TPR: variants seen among roughly 807,000 people sequenced by gnomAD.
TPR encodes translocated promoter region, nuclear basket protein.
Under a neutral mutation model 316.1 loss-of-function variants are expected in TPR, and 51 were observed. The ratio of observed to expected loss-of-function variants is 0.16; its 90% CI spans 0.13 to 0.20. The LOEUF (loss-of-function observed/expected upper bound fraction) is 0.20. Among genes scored for constraint, TPR ranks in the 10% least tolerant of loss-of-function variants. The pLI, the probability that TPR is intolerant of heterozygous loss-of-function variation, is 1.00. For synonymous variants in TPR, 981 were observed against 914.7 expected (o/e 1.07, Z -1.31); for missense variants, 2,272 against 2,754.8 (o/e 0.82, Z 3.92).
At position 186,343,889 on chromosome 1, in the gene TPR, G is replaced by A; in HGVS notation, c.3602+17C>T. On this transcript the variant is annotated intron_variant, in intron 26 of 50. Coordinates refer to ENST00000367478, the MANE Select transcript of TPR (RefSeq NM_003292.3). ...GTTGTTATACCACAGAAATGAAGCA[G>A]TAAGAACATGATTTACCTGAGAATT... 1.9e-6 allele frequency: 3 copies of A among 1,600,964 alleles called. No homozygotes were observed. The highest frequency in any genetic ancestry group is 2.6e-6 in the Non-Finnish European group (3 of 1,170,370).
At chr1:186,373,501 A>C in intron 1 of TPR, 38 bp from the exon 2 acceptor site, 1 of 1,282,866 alleles carries the variant, frequency 7.8e-7, no homozygotes. Context: ...ACAAAATCAA[A>C]CACATGTACA....
chr1:186,373,478 C>G lies in TPR; in HGVS notation c.152-15G>C, dbSNP rs879071146. ...ATACTGTTGTTCTACAGCAGACAAG[C>G]AAAAAACAAAAAACAAAATCAAACA... is the stretch of plus-strand genomic sequence containing the variant. On this transcript the variant is annotated splice_polypyrimidine_tract_variant and intron_variant, in intron 1 of 50. Coordinates refer to ENST00000367478, the MANE Select transcript of TPR (RefSeq NM_003292.3). 3.4e-6 allele frequency: 5 copies of G among 1,477,484 alleles called. No individual in the cohort carries two copies. The highest frequency in any genetic ancestry group is 3.8e-6 in the Non-Finnish European group (4 of 1,066,132). 91.5% of individuals were successfully genotyped at this position (1,477,484 alleles called of 1,614,324 possible). A position where few individuals can be genotyped will look rare whatever the true frequency, so the allele number is the denominator to read the frequency against.
At chr1:186,333,423 A>G in intron 36 of TPR, 29 bp from the exon 37 acceptor site, 2 of 1,603,082 alleles carry the variant, frequency 1.2e-6, no homozygotes, top group South Asian at 1.1e-5. Flanking sequence ...GCTGAATATA[A>G]GCCTTCTACT....
Position 186,365,672 on chromosome 1 carries a change from T to C in TPR, c.427+2214A>G, listed in dbSNP as rs545378381. On this transcript the variant is annotated intron_variant, in intron 4 of 50. Coordinates refer to ENST00000367478, the MANE Select transcript of TPR (RefSeq NM_003292.3). ...TGAAGAGGCCATCCCTTCTTTTTCATTACAGAAAAAGTTATGAAAGCCATC... is the reference window on the plus strand; with the variant it reads ...TGAAGAGGCCATCCCTTCTTTTTCACTACAGAAAAAGTTATGAAAGCCATC... Among the ~76,000 whole-genome samples, 4 of 152,308 alleles carry C rather than the reference T, an allele frequency of 2.6e-5. No individual in the cohort carries two copies. In the East Asian group the frequency reaches 7.7e-4, roughly 29 times the overall value.
chr1:186,351,636 C>G (rs1658865115), intron 19 of TPR, among the ~76,000 whole-genome samples, 166 bp from the exon 20 acceptor site: 4 of 152,072 alleles, frequency 2.6e-5, no homozygotes, highest in African/African-American at 9.7e-5. Context: ...TATATTAAAA[C>G]ATCTATTATA....
At chr1:186,347,859 A>C (rs1658728931) in intron 21 of TPR, among the ~76,000 whole-genome samples, 1 of 152,312 alleles carries the variant, frequency 6.6e-6, no homozygotes, top group African/African-American at 2.4e-5. Flanking sequence ...TCATCTTAAT[A>C]TGGACATTTA....
At chr1:186,327,358 G>A in intron 40 of TPR, 102 bp downstream of exon 40, 2 of 731,182 alleles carry the variant, frequency 2.7e-6, no homozygotes, top group Non-Finnish European at 4.2e-6. Flanking sequence ...TATTTAAGCT[G>A]ACTGGGAACC....
chr1:186,328,388 A>ATTATTATTAC (rs1232399143), intron 39 of TPR, among the ~76,000 whole-genome samples: 1 of 152,172 alleles, frequency 6.6e-6, no homozygotes, highest in African/African-American at 2.4e-5. Flanking sequence ...ACATGTAATC[A>ATTATTATTAC]ATGTAAAAAT....
At position 186,311,955 on chromosome 1, in the gene TPR, T is replaced by A; in HGVS notation, c.*2016A>T. The stretch of plus-strand genomic sequence containing the variant: ...TGTCACTTTCAATTGAAATTAAATA[T>A]ATAACTATGTAATTTGCTGCATCTA... On this transcript the variant is annotated 3_prime_UTR_variant, in exon 51 of 51. Coordinates refer to ENST00000367478, the MANE Select transcript of TPR (RefSeq NM_003292.3). 1.8e-6 allele frequency: 1 copy of A among 557,926 alleles called. No homozygotes were observed. The highest frequency in any genetic ancestry group is 3.1e-6 in the Non-Finnish European group (1 of 318,236). The allele number at this position is 557,926 out of a possible 1,614,324, so 34.6% of individuals were successfully genotyped here.
Position 186,345,573 on chromosome 1 carries a change from T to C in TPR, c.3213+7A>G, listed in dbSNP as rs768331129. The C allele has an allele frequency of 3.7e-6, 6 of 1,603,420 alleles. No individual in the cohort carries two copies. The highest frequency in any genetic ancestry group is 1.1e-5 in the South Asian group (1 of 90,722). Reference sequence around the variant, plus strand: ...AAGCTCATTTCTCAATAATTGGCTATACTTACTTGTTCCTGACAGTCACGT... The same window carrying C: ...AAGCTCATTTCTCAATAATTGGCTACACTTACTTGTTCCTGACAGTCACGT... On this transcript the variant is annotated splice_region_variant and intron_variant, in intron 24 of 50. Coordinates refer to ENST00000367478, the MANE Select transcript of TPR (RefSeq NM_003292.3).
intron 39 of TPR, among the ~76,000 whole-genome samples, chr1:186,330,609 A>G (rs1183857934): frequency 1.3e-5 from 2 of 152,102 alleles, no homozygotes; most frequent in Non-Finnish European, 2.9e-5. Flanking sequence ...AACCTGCTGA[A>G]TATGCATGAC....
Position 186,375,208 on chromosome 1 carries a change from C to G in TPR, c.-180G>C, listed in dbSNP as rs1659679976. 1 of 1,497,136 alleles carries G rather than the reference C, an allele frequency of 6.7e-7. No individual in the cohort carries two copies. The highest frequency in any genetic ancestry group is 1.4e-5 in the African/African-American group (1 of 70,844). The allele number at this position is 1,497,136 out of a possible 1,614,324, so 92.7% of individuals were successfully genotyped here. On this transcript the variant is annotated 5_prime_UTR_variant, in exon 1 of 51. Transcript: ENST00000367478. ...GACCCTGGGAAATCGAGTCCACCCT[C>G]AGCGGCAGCGTTTCAGCAACAGCAC...
In TPR at chr1:186,334,415, G is replaced by A. The variant is rs764775414; in HGVS notation, c.5092C>T (p.Arg1698Cys). 1 of 1,613,612 alleles carries A rather than the reference G, an allele frequency of 6.2e-7. No individual in the cohort carries two copies. The highest frequency in any genetic ancestry group is 8.5e-7 in the Non-Finnish European group (1 of 1,179,744). The change falls in exon 36 of 51, where the codon CGC (arginine) becomes TGC (cysteine). Residue 1698 changes from arginine (R) to cysteine (C), a missense_variant. Physicochemically the swap from Arg to Cys is radical, Grantham distance 180 (BLOSUM62 -3). Transcript: ENST00000367478. ...ACAGTTGCAGGTGTAACCATTGGGC[G>A]GATACTAGCCCTGGGTGTTGACTTA... ...GNKSTPRASI[R>C]PMVTPATVTN...
chr1:186,353,893 C>T, intron 17 of TPR, 43 bp from the exon 18 acceptor site: 1 of 1,580,982 alleles, frequency 6.3e-7, no homozygotes. Flanking sequence ...GAAATGATAT[C>T]CTAGCTTAAT....
In TPR at chr1:186,334,447, G is replaced by A. The variant is rs2102066560; in HGVS notation, c.5060C>T (p.Ala1687Val). Residue 1687 changes from alanine to valine, a missense_variant, in exon 36 of 51, where the codon GCT becomes GTT. Physicochemically the swap from Ala to Val is moderately conservative, Grantham distance 64 (BLOSUM62 0). Transcript: ENST00000367478. ...TPSKVTAAAMAGNKSTPRASI... is the reference protein window; with the variant it reads ...TPSKVTAAAMVGNKSTPRASI... ...AGCCCTGGGTGTTGACTTATTTCCA[G>A]CCATAGCTGCAGCTGTCACTTTACT... The A allele has an allele frequency of 6.2e-7, 1 of 1,613,682 alleles. No individual in the cohort carries two copies. Among genetic ancestry groups the A allele is most frequent in the Non-Finnish European group, 8.5e-7 (1 of 1,179,730 alleles).
intron 39 of TPR, among the ~76,000 whole-genome samples, chr1:186,330,210 T>C (rs908656428): frequency 6.6e-6 from 1 of 152,172 alleles, no homozygotes; most frequent in East Asian, 1.9e-4. Flanking sequence ...GTTCAGGGCC[T>C]GTCTGGCATG....
rs1285563841 is a variant in TPR, at chr1:186,358,633, C to T, written c.1407G>A (p.Gln469=). 5.6e-6 allele frequency: 9 copies of T among 1,611,798 alleles called. No homozygotes were observed. Among genetic ancestry groups the T allele is most frequent in the Non-Finnish European group, 7.6e-6 (9 of 1,179,136 alleles). The change falls in exon 13 of 51, where the codon CAG becomes CAA. Residue 469 remains glutamine, a synonymous_variant. Transcript: ENST00000367478. ...EQAMKEIQRL[Q]EDTDKANKQS... is the part of the protein sequence containing the mutation. ...GCTTGTTGGCTTTATCAGTGTCCTC[C>T]TGCAATCGCTGAATCTCCTTTAAAA...
intron 31 of TPR, 51 bp downstream of exon 31, chr1:186,337,982 T>C: frequency 7.1e-7 from 1 of 1,413,124 alleles, no homozygotes; most frequent in Non-Finnish European, 9.5e-7. Context: ...AAATAAGATT[T>C]CATAACATTC....
Position 186,333,292 on chromosome 1 carries a change from G to A in TPR, c.5285C>T (p.Pro1762Leu). The A allele has an allele frequency of 6.2e-7, 1 of 1,613,686 alleles. No homozygotes were observed. Among genetic ancestry groups the A allele is most frequent in the Non-Finnish European group, 8.5e-7 (1 of 1,179,706 alleles). The change falls in exon 37 of 51, where the codon CCT (proline) becomes CTT (leucine). Residue 1762 changes from proline (P) to leucine (L), a missense_variant. Transcript: ENST00000367478. ...SPNVQPSISQ[P>L]ILTVQQQTQA... ...TGTTTGTTGCTGAACAGTTAAAATA[G>A]GTTGAGAGATAGAAGGCTGGACATT... is the stretch of plus-strand genomic sequence containing the variant.
Sources: allele counts gnomAD v4.1 joint callset (sites outside exome capture counted in the v4.1 genomes callset), GRCh38; gene constraint gnomAD v4.1.1; transcripts MANE v1.5; gene names NCBI Gene and HGNC (gene_info 2026-07-23, HGNC 2026-07-21).